FBXW8: variants seen among roughly 807,000 people sequenced by gnomAD.
FBXW8 encodes F-box/WD repeat-containing protein 8.
Under a neutral mutation model 65.3 loss-of-function variants are expected in FBXW8, and 57 were observed. The observed-to-expected ratio is 0.87, with a 90% CI of 0.71 to 1.09. FBXW8 has a LOEUF of 1.09. Among genes scored for constraint, FBXW8 ranks in the 50% least tolerant of loss-of-function variants. The pLI, the probability that FBXW8 is intolerant of heterozygous loss-of-function variation, is 0.00. For synonymous variants in FBXW8, 308 were observed against 330.2 expected (o/e 0.93, Z 0.73); for missense variants, 777 against 814.8 (o/e 0.95, Z 0.57).
chr12:116,934,553 C>G (rs548604874), intron 2 of FBXW8, among the ~76,000 whole-genome samples: 2 of 152,282 alleles, frequency 1.3e-5, no homozygotes, highest in Admixed American at 1.3e-4. Context: ...AAAAGTAAGT[C>G]TGCCATTATA....
At chr12:116,986,874 A>C (rs1424642610) in intron 6 of FBXW8, 2 of 152,246 alleles carry the variant, frequency 1.3e-5, no homozygotes, top group Admixed American at 1.3e-4. Flanking sequence ...GATAAAGTTA[A>C]AGGGCTAGAC....
At chr12:116,924,497 A>G (rs1881171726) in intron 1 of FBXW8, among the ~76,000 whole-genome samples, 1 of 152,208 alleles carries the variant, frequency 6.6e-6, no homozygotes, top group African/African-American at 2.4e-5. Flanking sequence ...GTCAACCTGT[A>G]GTGCCACAGA....
intron 2 of FBXW8, among the ~76,000 whole-genome samples, chr12:116,941,609 T>C (rs999618527): frequency 2.0e-5 from 3 of 152,244 alleles, no homozygotes; most frequent in African/African-American, 4.8e-5. Flanking sequence ...TTGTAATGAT[T>C]ATTTTTGGTA....
chr12:117,019,031 T>A (rs1170162571), intron 8 of FBXW8, among the ~76,000 whole-genome samples: 1 of 152,204 alleles, frequency 6.6e-6, no homozygotes, highest in African/African-American at 2.4e-5. Flanking sequence ...AAGGTTAGAG[T>A]TCTCTTTACA....
At chr12:116,971,555 A>G (rs1047124596) in intron 5 of FBXW8, among the ~76,000 whole-genome samples, 1 of 152,082 alleles carries the variant, frequency 6.6e-6, no homozygotes, top group Non-Finnish European at 1.5e-5. Context: ...AGTTTTTTCT[A>G]TTCCTCAGTG....
At chr12:116,967,389 A>G (rs939050816) in intron 5 of FBXW8, among the ~76,000 whole-genome samples, 1 of 152,236 alleles carries the variant, frequency 6.6e-6, no homozygotes, top group Non-Finnish European at 1.5e-5. Context: ...GACTTGTCCA[A>G]GGGTGGCCCT....
At chr12:116,970,932 CTT>C (rs919917605) in intron 5 of FBXW8, among the ~76,000 whole-genome samples, 16 of 152,148 alleles carry the variant, frequency 1.1e-4, no homozygotes, top group Admixed American at 8.5e-4. Context: ...TATTCAGACA[CTT>C]TGCAAACAAA....
Position 117,010,284 on chromosome 12 carries a change from G to A in FBXW8, c.1240-39G>A, listed in dbSNP as rs1351644589. On this transcript the variant is annotated intron_variant, in intron 7 of 10. Transcript: ENST00000652555. Reference sequence around the variant, plus strand: ...AAAGTATTTGATGTCGGCCTGGTGTGTGGAATTGTGGGCCCACACATTTCT... The same window carrying A: ...AAAGTATTTGATGTCGGCCTGGTGTATGGAATTGTGGGCCCACACATTTCT... 3.1e-6 allele frequency: 5 copies of A among 1,613,800 alleles called. No homozygotes were observed. In the African/African-American group the frequency reaches 4.0e-5, roughly 13 times the overall value.
Position 116,949,701 on chromosome 12 carries a change from T to C in FBXW8, c.672T>C (p.Ile224=), listed in dbSNP as rs962644275. 1 of 1,614,036 alleles carries C rather than the reference T, an allele frequency of 6.2e-7. No individual in the cohort carries two copies. The highest frequency in any genetic ancestry group is 1.7e-5 in the Admixed American group (1 of 60,004). ...CDVHSHDGVV[I]AGYTSGDVRV... ...TGCATTCTCACGATGGTGTGGTCAT[T>C]GCGGGGTAAGCCAAACCGTTTCCAC... is the stretch of plus-strand genomic sequence containing the variant. The change falls in exon 4 of 11, where the codon ATT becomes ATC. Residue 224 remains isoleucine (I), a synonymous_variant. Coordinates refer to ENST00000652555, the MANE Select transcript of FBXW8 (RefSeq NM_153348.3).
At chr12:117,014,579 A>T (rs1202287271) in intron 8 of FBXW8, among the ~76,000 whole-genome samples, 2 of 152,192 alleles carry the variant, frequency 1.3e-5, no homozygotes, top group African/African-American at 4.8e-5. Context: ...CCTCCAACGA[A>T]TGATTTTTGT....
At chr12:116,992,120 G>C (rs1184727967) in intron 7 of FBXW8, among the ~76,000 whole-genome samples, 1 of 152,162 alleles carries the variant, frequency 6.6e-6, no homozygotes, top group African/African-American at 2.4e-5. Flanking sequence ...AATAAACATA[G>C]TTTTCTAAGG....
chr12:116,926,978 TA>T (rs1175729241), intron 1 of FBXW8, among the ~76,000 whole-genome samples: 22 of 152,248 alleles, frequency 1.4e-4, no homozygotes, highest in African/African-American at 5.3e-4. Context: ...TTGCAATACA[TA>T]AGACCGCTGT....
In FBXW8 at chr12:116,985,280, G is replaced by C; in HGVS notation, c.910G>C (p.Ala304Pro). The C allele has an allele frequency of 1.9e-6, 3 of 1,614,204 alleles. No individual in the cohort carries two copies. Among genetic ancestry groups the C allele is most frequent in the Non-Finnish European group, 2.5e-6 (3 of 1,180,044 alleles). The change falls in exon 6 of 11, where the codon GCA becomes CCA. Residue 304 changes from alanine to proline, a missense_variant. By Grantham distance (27) the Ala-to-Pro change is conservative. Coordinates refer to ENST00000652555, the MANE Select transcript of FBXW8 (RefSeq NM_153348.3). ...HRFEHDARIQ[A>P]LALSQDDATV... Reference sequence around the variant, plus strand: ...TTTTGAGCACGATGCAAGAATACAGGCACTAGCCCTCAGCCAGGACGATGC... The same window carrying C: ...TTTTGAGCACGATGCAAGAATACAGCCACTAGCCCTCAGCCAGGACGATGC...
At chr12:117,020,770 G>A (rs1432794301) in intron 8 of FBXW8, among the ~76,000 whole-genome samples, 2 of 152,144 alleles carry the variant, frequency 1.3e-5, no homozygotes, top group African/African-American at 2.4e-5. Context: ...CCCTGAAGTC[G>A]CAGCTCACCC....
intron 7 of FBXW8, among the ~76,000 whole-genome samples, chr12:116,999,288 C>G (rs901495294): frequency 6.6e-6 from 1 of 152,216 alleles, no homozygotes; most frequent in African/African-American, 2.4e-5. Context: ...TCTGCTGGAC[C>G]TGGCTTCCAG....
chr12:116,966,486 G>A (rs545435255), intron 5 of FBXW8, among the ~76,000 whole-genome samples: 3 of 152,290 alleles, frequency 2.0e-5, no homozygotes, highest in East Asian at 1.9e-4. Context: ...CTCCAGGGCC[G>A]TGCTGCGGTG....
chr12:116,992,761 GGT>G (rs59119067), intron 7 of FBXW8, among the ~76,000 whole-genome samples: 5,958 of 143,588 alleles, frequency 0.041, 295 homozygotes, highest in East Asian at 0.18. Context: ...ATTATTCCAT[GGT>G]GTGTGTGTGT....
chr12:116,922,237 C>G (rs1032031739), intron 1 of FBXW8, among the ~76,000 whole-genome samples: 15 of 151,954 alleles, frequency 9.9e-5, no homozygotes, highest in African/African-American at 3.6e-4. Context: ...ACCTTTTTCC[C>G]CCAGCCAACC....
intron 4 of FBXW8, among the ~76,000 whole-genome samples, chr12:116,954,536 T>G (rs1012528877): frequency 2.6e-5 from 4 of 152,176 alleles, no homozygotes; most frequent in African/African-American, 9.7e-5. Flanking sequence ...TTTTTAGCAT[T>G]ACAAATCTTT....
Sources: gnomAD v4.1 joint callset for allele counts (sites outside exome capture counted in the v4.1 genomes callset) on GRCh38, gnomAD v4.1.1 for gene constraint, MANE v1.5 for transcripts, NCBI Gene and HGNC (gene_info 2026-07-23, HGNC 2026-07-21) for gene names.